Variants in SEMA3A observed in about 807,000 individuals in gnomAD.
SEMA3A encodes the protein semaphorin 3A.
Under a neutral mutation model 97.9 loss-of-function variants are expected in SEMA3A, and 29 were observed. The ratio of observed to expected loss-of-function variants is 0.30; its 90% CI spans 0.22 to 0.40. SEMA3A has a LOEUF of 0.40. SEMA3A is among the 10% of genes least tolerant of loss of function. The pLI is 1.00. For missense variants in SEMA3A, 763 were observed against 951.3 expected (o/e 0.80, Z 2.60); for synonymous variants, 321 against 323.7 (o/e 0.99, Z 0.09).
Position 84,260,512 on chromosome 7 carries a change from T to A in SEMA3A, c.-83+46695A>T, listed in dbSNP as rs975248168. On this transcript the variant is annotated intron_variant, in intron 3 of 3. Coordinates refer to the SEMA3A transcript ENST00000424555. ...CACTCTCCAGGGACCAGAAAGCCTT[T>A]CACCCCTGAAGGCTCGAAAGTGCCT... is the stretch of plus-strand genomic sequence containing the variant. 2.0e-5 allele frequency among the ~76,000 whole-genome samples: 3 copies of A among 152,136 alleles called. No homozygotes were observed. In the East Asian group the frequency reaches 5.8e-4, roughly 29 times the overall value.
chr7:84,207,464 A>G (rs1584125216), intron 3 of SEMA3A, among the ~76,000 whole-genome samples: 1 of 152,218 alleles, frequency 6.6e-6, no homozygotes, highest in East Asian at 1.9e-4. Context: ...AACAAACCAG[A>G]ATCAGAAAAC....
intron 1 of SEMA3A, 30 bp downstream of exon 1, chr7:84,194,445 C>G (rs886426923): frequency 6.9e-7 from 1 of 1,459,854 alleles, no homozygotes. Context: ...TATTACAAAG[C>G]TAACCAAATA....
chr7:84,126,491 C>CT (rs1182324463), intron 3 of SEMA3A, among the ~76,000 whole-genome samples: 2 of 152,174 alleles, frequency 1.3e-5, no homozygotes, highest in African/African-American at 4.8e-5. Flanking sequence ...CAGGCATGGG[C>CT]TACCGCGCCC....
At chr7:84,237,470 A>G (rs10257327) in intron 3 of SEMA3A, among the ~76,000 whole-genome samples, 150,896 of 152,198 alleles carry the variant, frequency 0.99, 74,813 homozygotes, top group East Asian at 1. Context: ...AGAAGAAGGG[A>G]GAGGAGGAAG....
intron 1 of SEMA3A, among the ~76,000 whole-genome samples, chr7:84,380,948 T>C (rs1803242566): frequency 6.6e-6 from 1 of 152,210 alleles, no homozygotes; most frequent in South Asian, 2.1e-4. Flanking sequence ...TGCAGCATAA[T>C]CTCTTCATTT....
intron 1 of SEMA3A, among the ~76,000 whole-genome samples, chr7:84,137,129 G>A (rs534888206): frequency 3.3e-5 from 5 of 152,128 alleles, no homozygotes; most frequent in African/African-American, 9.6e-5. Context: ...GGCTGGACAC[G>A]GTGGCTCATG....
At chr7:83,974,640 A>T (rs996044867) in intron 15 of SEMA3A, among the ~76,000 whole-genome samples, 2 of 152,156 alleles carry the variant, frequency 1.3e-5, no homozygotes, top group Non-Finnish European at 2.9e-5. Flanking sequence ...TCAAATACTG[A>T]CGTCAACTAT....
intron 4 of SEMA3A, among the ~76,000 whole-genome samples, chr7:84,069,875 G>C (rs1393847585): frequency 6.6e-6 from 1 of 151,986 alleles, no homozygotes; most frequent in Non-Finnish European, 1.5e-5. Flanking sequence ...GATGTGTGAA[G>C]GTATTGAATT....
intron 1 of SEMA3A, among the ~76,000 whole-genome samples, chr7:84,413,784 A>T (rs962132936): frequency 2.1e-4 from 32 of 152,292 alleles, no homozygotes; most frequent in Non-Finnish European, 3.5e-4. Flanking sequence ...AGTCATTTTT[A>T]AAAAAGAAAC....
At chr7:84,172,050 TC>T (rs1797398294) in intron 1 of SEMA3A, among the ~76,000 whole-genome samples, 1 of 152,182 alleles carries the variant, frequency 6.6e-6, no homozygotes, top group Non-Finnish European at 1.5e-5. Flanking sequence ...AGGTTTTGTA[TC>T]AGAATTTGTC....
intron 1 of SEMA3A, among the ~76,000 whole-genome samples, chr7:84,372,780 AG>A (rs1803004325): frequency 6.6e-6 from 1 of 152,144 alleles, no homozygotes; most frequent in Non-Finnish European, 1.5e-5. Context: ...TATCTTTTCA[AG>A]TAAAAACTCA....
chr7:84,180,199 G>C (rs988353792), intron 1 of SEMA3A, among the ~76,000 whole-genome samples: 7 of 150,736 alleles, frequency 4.6e-5, no homozygotes, highest in African/African-American at 7.3e-5. Context: ...GCCCACCTCG[G>C]CCTCCCAAAG....
intron 3 of SEMA3A, among the ~76,000 whole-genome samples, chr7:84,115,716 GA>G (rs1167386785): frequency 6.6e-6 from 1 of 152,098 alleles, no homozygotes; most frequent in Non-Finnish European, 1.5e-5. Context: ...AATAAATGCA[GA>G]CAATTAAAAA....
intron 3 of SEMA3A, among the ~76,000 whole-genome samples, chr7:84,286,871 C>G (rs1313460768): frequency 6.6e-6 from 1 of 152,050 alleles, no homozygotes; most frequent in Admixed American, 6.6e-5. Flanking sequence ...TCATGTATTT[C>G]CAAGGATCTA....
intron 12 of SEMA3A, among the ~76,000 whole-genome samples, chr7:83,990,402 G>A (rs965909882): frequency 6.7e-6 from 1 of 149,962 alleles, no homozygotes; most frequent in African/African-American, 2.5e-5. Context: ...CCATGCCTAT[G>A]TCCTGAATGG....
At chr7:84,009,430 T>TA (rs1404555699) in intron 9 of SEMA3A, among the ~76,000 whole-genome samples, 18 of 152,192 alleles carry the variant, frequency 1.2e-4, no homozygotes, top group African/African-American at 4.3e-4. Context: ...AATTATTGAG[T>TA]AAAAACATCC....
chr7:83,998,488 G>T (rs1423691778), intron 12 of SEMA3A, among the ~76,000 whole-genome samples: 1 of 152,192 alleles, frequency 6.6e-6, no homozygotes, highest in African/African-American at 2.4e-5. Flanking sequence ...AAGTCAGTCA[G>T]TGAGTGGTGA....
chr7:84,447,375 C>T (rs1214483716), intron 1 of SEMA3A, among the ~76,000 whole-genome samples: 1 of 152,124 alleles, frequency 6.6e-6, no homozygotes. Flanking sequence ...CCAGGGATGG[C>T]CTGAAGTCTT....
chr7:83,965,643 TATATATATATATATATATA>T (rs1788646160), intron 15 of SEMA3A, among the ~76,000 whole-genome samples: 1 of 9,268 alleles, frequency 1.1e-4, no homozygotes, highest in African/African-American at 5.2e-4. Flanking sequence ...TATATATATA[TATATATATATATATATATA>T]TATATTTTTT....
Sources: allele counts gnomAD v4.1 joint callset (sites outside exome capture counted in the v4.1 genomes callset), GRCh38; gene constraint gnomAD v4.1.1; transcripts MANE v1.5; gene names NCBI Gene and HGNC (gene_info 2026-07-23, HGNC 2026-07-21).